MEIKIN: variants seen among roughly 807,000 people sequenced by gnomAD.
MEIKIN encodes meiotic kinetochore factor.
chr5:131,860,349 T>TC (rs1269927341), intron 9 of MEIKIN, among the ~76,000 whole-genome samples: 3 of 151,550 alleles, frequency 2.0e-5, no homozygotes, highest in African/African-American at 7.3e-5. Flanking sequence ...CCTTCTTGAT[T>TC]TTTTTTCAGA....
At chr5:131,819,296 T>C (rs1009347661) in intron 11 of MEIKIN, among the ~76,000 whole-genome samples, 9 of 151,822 alleles carry the variant, frequency 5.9e-5, no homozygotes, top group South Asian at 4.2e-4. Flanking sequence ...ATCAGGCAGA[T>C]AGTCTCCAGA....
At chr5:131,942,914 T>C (rs1029096921) in intron 3 of MEIKIN, among the ~76,000 whole-genome samples, 3 of 152,116 alleles carry the variant, frequency 2.0e-5, no homozygotes, top group Admixed American at 6.5e-5. Flanking sequence ...ACATATCTTG[T>C]AATCAACAAT....
intron 8 of MEIKIN, among the ~76,000 whole-genome samples, chr5:131,903,993 A>C (rs1423670718): frequency 1.3e-5 from 2 of 152,008 alleles, no homozygotes; most frequent in African/African-American, 4.8e-5. Flanking sequence ...AAATAACGGA[A>C]AAAAAGCAGA....
chr5:131,881,126 C>T (rs1393514779), intron 8 of MEIKIN, among the ~76,000 whole-genome samples: 1 of 152,088 alleles, frequency 6.6e-6, no homozygotes, highest in South Asian at 2.1e-4. Context: ...AGATATTAGC[C>T]TGAAAAATGA....
intron 4 of MEIKIN, among the ~76,000 whole-genome samples, chr5:131,939,352 C>A (rs2149654956): frequency 6.6e-6 from 1 of 150,792 alleles, no homozygotes; most frequent in South Asian, 2.1e-4. Flanking sequence ...TGTCTCTACT[C>A]TAGACACCTA....
At chr5:131,887,567 T>G (rs1220576680) in intron 8 of MEIKIN, among the ~76,000 whole-genome samples, 1 of 152,194 alleles carries the variant, frequency 6.6e-6, no homozygotes, top group Non-Finnish European at 1.5e-5. Context: ...TGCTTTTGAT[T>G]TGCATTTATC....
chr5:131,914,445 CAGAT>C (rs146194233), intron 7 of MEIKIN, among the ~76,000 whole-genome samples: 7 of 129,402 alleles, frequency 5.4e-5, no homozygotes, highest in East Asian at 2.2e-4. Context: ...GATGGACAGA[CAGAT>C]GGAAGGAAGG....
chr5:131,839,025 G>A (rs549112373), intron 11 of MEIKIN, among the ~76,000 whole-genome samples: 12 of 152,080 alleles, frequency 7.9e-5, no homozygotes, highest in Non-Finnish European at 1.5e-4. Flanking sequence ...TGCCTTAGCC[G>A]TGTCCTAGAG....
At chr5:131,822,895 T>C (rs1749543943) in intron 11 of MEIKIN, among the ~76,000 whole-genome samples, 1 of 152,064 alleles carries the variant, frequency 6.6e-6, no homozygotes, top group Non-Finnish European at 1.5e-5. Context: ...AGCTTTTATT[T>C]GTGTATGGAG....
intron 11 of MEIKIN, among the ~76,000 whole-genome samples, chr5:131,826,526 C>G (rs187942700): frequency 6.6e-6 from 1 of 152,110 alleles, no homozygotes; most frequent in Non-Finnish European, 1.5e-5. Context: ...AAATATACCT[C>G]GTAAAATTTC....
chr5:131,933,367 C>T (rs1751719925), intron 5 of MEIKIN, 146 bp downstream of exon 5: 1 of 372,604 alleles, frequency 2.7e-6, no homozygotes, highest in African/African-American at 2.1e-5. Context: ...GGGAATGAAA[C>T]ACAACGGGTA....
At chr5:131,813,283 G>T (rs541049626) in intron 12 of MEIKIN, among the ~76,000 whole-genome samples, 74 of 152,222 alleles carry the variant, frequency 4.9e-4, no homozygotes, top group African/African-American at 1.7e-3. Context: ...CCTTAAAGTC[G>T]ACAGTTAGAG....
intron 11 of MEIKIN, among the ~76,000 whole-genome samples, chr5:131,819,713 C>T: frequency 6.7e-6 from 1 of 148,536 alleles, no homozygotes; most frequent in East Asian, 2.0e-4. Context: ...GATTTTCATA[C>T]CTCAGACTCT....
chr5:131,926,686 T>G (rs1394060759), intron 5 of MEIKIN, among the ~76,000 whole-genome samples: 1 of 152,216 alleles, frequency 6.6e-6, no homozygotes, highest in African/African-American at 2.4e-5. Flanking sequence ...GGAAGGTTTT[T>G]GATTGCTGGT....
intron 9 of MEIKIN, among the ~76,000 whole-genome samples, chr5:131,855,272 T>C (rs1343459360): frequency 1.3e-5 from 2 of 152,212 alleles, no homozygotes; most frequent in Non-Finnish European, 2.9e-5. Flanking sequence ...AGCTGTGAAA[T>C]ATATGTAGCA....
At chr5:131,809,360 A>G (rs1447477562) in intron 12 of MEIKIN, among the ~76,000 whole-genome samples, 1 of 152,216 alleles carries the variant, frequency 6.6e-6, no homozygotes, top group Non-Finnish European at 1.5e-5. Flanking sequence ...ACTGGCTGGC[A>G]TACTTCATCT....
At position 131,916,871 on chromosome 5, in the gene MEIKIN, A is replaced by G. The variant is rs1157700795; in HGVS notation, c.638+15T>C. The G allele has an allele frequency of 2.8e-5, 11 of 397,078 alleles. No individual in the cohort carries two copies. The highest frequency in any genetic ancestry group is 4.4e-5 in the Admixed American group (1 of 22,646). The allele number at this position is 397,078 out of a possible 1,614,324, so 24.6% of individuals were successfully genotyped here. On this transcript the variant is annotated intron_variant, in intron 7 of 12. Coordinates refer to ENST00000442687, the MANE Select transcript of MEIKIN (RefSeq NM_001303622.2). ...GTTTCAGAAGCTCAACAATTTTAAA[A>G]TTTTTAGTTCTTACGTTTTTCTATG...
chr5:131,887,162 C>G (rs904546945), intron 8 of MEIKIN, among the ~76,000 whole-genome samples: 1 of 152,022 alleles, frequency 6.6e-6, no homozygotes, highest in Non-Finnish European at 1.5e-5. Flanking sequence ...GACATGAACT[C>G]ATACTTTTTT....
At chr5:131,890,353 T>C (rs1750888083) in intron 8 of MEIKIN, among the ~76,000 whole-genome samples, 1 of 152,216 alleles carries the variant, frequency 6.6e-6, no homozygotes, top group African/African-American at 2.4e-5. Flanking sequence ...GTTGGTAAGC[T>C]ATTAATTATT....
Sources: allele counts gnomAD v4.1 joint callset (sites outside exome capture counted in the v4.1 genomes callset), GRCh38; gene constraint gnomAD v4.1.1; transcripts MANE v1.5; gene names NCBI Gene and HGNC (gene_info 2026-07-23, HGNC 2026-07-21).